DLG2: variants seen among roughly 807,000 people sequenced by gnomAD.
The protein encoded by DLG2 is disks large homolog 2.
In DLG2, 45 loss-of-function variants were observed where a neutral mutation model predicts 132.5. The observed-to-expected ratio is 0.34, with a 90% CI of 0.27 to 0.44. DLG2 has a LOEUF of 0.44. DLG2 is among the 20% of genes least tolerant of loss of function. The pLI, the probability that DLG2 is intolerant of heterozygous loss-of-function variation, is 1.00. For synonymous variants in DLG2, 424 were observed against 419.6 expected (o/e 1.01, Z -0.13); for missense variants, 1,045 against 1,196.9 (o/e 0.87, Z 1.87).
At position 83,690,778 on chromosome 11, in the gene DLG2, T is replaced by G. The variant is rs181140163; in HGVS notation, c.1826-57453A>C. Among the ~76,000 whole-genome samples the G allele has an allele frequency of 3.3e-4, 51 of 152,266 alleles. 1 individual carries two copies. Among genetic ancestry groups the G allele is most frequent in the Admixed American group, 2.8e-3 (43 of 15,280 alleles). On this transcript the variant is annotated intron_variant, in intron 18 of 27. Transcript: ENST00000376104. The stretch of plus-strand genomic sequence containing the variant: ...TATAAGCCAAGAATGTTTTTCACAT[T>G]TTCAGTTTGTGGAAAGAAAAATCAG...
intron 7 of DLG2, among the ~76,000 whole-genome samples, chr11:84,517,024 T>A (rs200316446): frequency 0.011 from 8 of 728 alleles, no homozygotes; most frequent in Admixed American, 0.027. Context: ...AAATAAAAAA[T>A]AAATAAATAA....
intron 5 of DLG2, among the ~76,000 whole-genome samples, chr11:85,126,449 C>T (rs2075123841): frequency 6.6e-6 from 1 of 152,110 alleles, no homozygotes; most frequent in African/African-American, 2.4e-5. Context: ...ATATTAATGG[C>T]ATTAGTATTT....
intron 11 of DLG2, among the ~76,000 whole-genome samples, chr11:84,008,383 T>C (rs1027480171): frequency 1.3e-5 from 2 of 151,930 alleles, no homozygotes; most frequent in East Asian, 1.9e-4. Flanking sequence ...CAATTCCAAA[T>C]GTAACAGAAT....
chr11:84,756,564 TC>T (rs2066901498), intron 6 of DLG2, among the ~76,000 whole-genome samples: 1 of 152,128 alleles, frequency 6.6e-6, no homozygotes, highest in East Asian at 1.9e-4. Flanking sequence ...TACAGATAAT[TC>T]CACTTACCTT....
chr11:84,146,415 A>AT (rs1368151455), intron 9 of DLG2, among the ~76,000 whole-genome samples: 1 of 152,200 alleles, frequency 6.6e-6, no homozygotes, highest in Non-Finnish European at 1.5e-5. Context: ...GATATGTGAT[A>AT]TTACACACTG....
At chr11:85,617,347 T>C (rs4944529) in intron 2 of DLG2, among the ~76,000 whole-genome samples, 17,982 of 152,296 alleles carry the variant, frequency 0.12, 1,325 homozygotes, top group East Asian at 0.29. Context: ...TCTGGTAAAC[T>C]TCTATTCATC....
At chr11:84,126,208 G>A (rs971364835) in intron 9 of DLG2, among the ~76,000 whole-genome samples, 3 of 152,130 alleles carry the variant, frequency 2.0e-5, no homozygotes, top group African/African-American at 4.8e-5. Context: ...ATGCAGCCAC[G>A]AAGGGTCAGG....
chr11:85,397,535 T>A (rs1358588557), intron 3 of DLG2, among the ~76,000 whole-genome samples: 1 of 152,018 alleles, frequency 6.6e-6, no homozygotes, highest in Non-Finnish European at 1.5e-5. Flanking sequence ...AGGAGACACA[T>A]CTCATGTGCA....
rs1453844041 is a variant in DLG2, at chr11:83,510,033, AG to A, written c.2193+22674del. ...ATAAATGTGGTGCAAATCAGAGGCAAGATTCCTGGCCCTGGCCTGGGTCCTC... is the reference window on the plus strand; with the variant it reads ...ATAAATGTGGTGCAAATCAGAGGCAAATTCCTGGCCCTGGCCTGGGTCCTC... On this transcript the variant is annotated intron_variant, in intron 21 of 27. Transcript: ENST00000376104. Among the ~76,000 whole-genome samples the A allele has an allele frequency of 2.6e-5, 4 of 152,324 alleles. No individual in the cohort carries two copies. The East Asian group carries it at 7.7e-4, about 29-fold the overall frequency.
chr11:85,373,852 G>A (rs1446063893), intron 3 of DLG2, among the ~76,000 whole-genome samples: 1 of 152,168 alleles, frequency 6.6e-6, no homozygotes, highest in Non-Finnish European at 1.5e-5. Flanking sequence ...ATAATGACTG[G>A]TCAATGTAGA....
chr11:84,731,342 G>GT (rs2063127772), intron 6 of DLG2, among the ~76,000 whole-genome samples: 1 of 152,048 alleles, frequency 6.6e-6, no homozygotes, highest in African/African-American at 2.4e-5. Flanking sequence ...GATCAATGCA[G>GT]TGCTGGCCTC....
At chr11:85,281,025 C>T (rs2078190883) in intron 4 of DLG2, among the ~76,000 whole-genome samples, 1 of 151,952 alleles carries the variant, frequency 6.6e-6, no homozygotes, top group African/African-American at 2.4e-5. Flanking sequence ...TGTGAAGGAT[C>T]AGGGTGCTGA....
rs190266591 is a variant in DLG2 at position 85,608,157 on chromosome 11, G to A, written c.-92-9369C>T. Among the ~76,000 whole-genome samples, 80 of 152,210 alleles carry A rather than the reference G, an allele frequency of 5.3e-4. No individual in the cohort carries two copies. In the South Asian group the frequency reaches 7.0e-3, roughly 13 times the overall value. On this transcript the variant is annotated intron_variant, in intron 2 of 27. Coordinates refer to ENST00000376104, the MANE Select transcript of DLG2 (RefSeq NM_001142699.3). ...TTCTGATTAGCAGGGTCCAGGGACC[G>A]TTGTGGGTTCTTGGGCATGGGGAGA...
At chr11:84,717,348 T>G (rs190556001) in intron 6 of DLG2, among the ~76,000 whole-genome samples, 1 of 152,188 alleles carries the variant, frequency 6.6e-6, no homozygotes, top group East Asian at 1.9e-4. Context: ...CCATTTTAAT[T>G]ACTAAAAGAT....
At chr11:85,454,687 A>C (rs1647941) in intron 3 of DLG2, among the ~76,000 whole-genome samples, 128,520 of 152,126 alleles carry the variant, frequency 0.84, 54,709 homozygotes, top group Non-Finnish European at 0.91. Flanking sequence ...AGTCTTTAAT[A>C]CATCTTCAGT....
At chr11:85,213,139 C>A (rs1268507913) in intron 4 of DLG2, among the ~76,000 whole-genome samples, 2 of 151,970 alleles carry the variant, frequency 1.3e-5, no homozygotes, top group African/African-American at 4.8e-5. Context: ...CATAATGATT[C>A]CAAAGGGTCT....
intron 3 of DLG2, among the ~76,000 whole-genome samples, chr11:85,388,054 T>A (rs1362998727): frequency 1.3e-5 from 2 of 152,158 alleles, no homozygotes; most frequent in East Asian, 3.9e-4. Flanking sequence ...TGACAAGTAC[T>A]CAGCCCTGCT....
intron 18 of DLG2, among the ~76,000 whole-genome samples, chr11:83,644,310 T>C (rs1461779795): frequency 6.6e-6 from 1 of 152,174 alleles, no homozygotes; most frequent in Non-Finnish European, 1.5e-5. Flanking sequence ...GAACCAGCCA[T>C]TTCAAAATGT....
At chr11:84,581,006 T>A (rs1394881424) in intron 6 of DLG2, among the ~76,000 whole-genome samples, 1 of 152,216 alleles carries the variant, frequency 6.6e-6, no homozygotes. Context: ...TAATGAAAGA[T>A]CTTCTGTTGA....
Sources: allele counts gnomAD v4.1 joint callset (sites outside exome capture counted in the v4.1 genomes callset), GRCh38; gene constraint gnomAD v4.1.1; transcripts MANE v1.5; gene names NCBI Gene and HGNC (gene_info 2026-07-23, HGNC 2026-07-21).